Variants in GLIS3 observed in about 807,000 individuals in gnomAD.
GLIS3 encodes zinc finger protein GLIS3.
A neutral mutation model predicts 78.6 loss-of-function variants in GLIS3; 53 were observed. That is an observed-to-expected ratio of 0.67 (90% confidence interval 0.54 to 0.85). The LOEUF (loss-of-function observed/expected upper bound fraction) is 0.85. GLIS3 is among the 40% of genes least tolerant of loss of function. The probability of loss-of-function intolerance (pLI) is 0.00; values close to 1 mark genes in which losing one functional copy is unlikely to be tolerated. For synonymous variants in GLIS3, 684 were observed against 509.9 expected, an observed-to-expected ratio of 1.34 and a Z score of -4.60; for missense variants, 1,703 against 1,231.1, an observed-to-expected ratio of 1.38 and a Z score of -5.74.
At chr9:4,094,183 G>A (rs775428773) in intron 4 of GLIS3, among the ~76,000 whole-genome samples, 30 of 152,310 alleles carry the variant, frequency 2.0e-4, no homozygotes, top group South Asian at 2.1e-4. Context: ...AAGCAGGAAC[G>A]AGAGGAACTG....
intron 4 of GLIS3, among the ~76,000 whole-genome samples, chr9:4,003,696 T>C (rs1166047690): frequency 1.3e-5 from 2 of 152,184 alleles, no homozygotes; most frequent in East Asian, 3.9e-4. Context: ...CATTCACTGG[T>C]TCCAAATAAG....
rs114846177 is a variant in GLIS3, at chr9:4,226,520, G to A, written c.388+59518C>T. ...AAACTCCGCCTCACAGAAACAACCC[G>A]ACTATGCCTAAGGGGGAGGGAATGG... On this transcript the variant is annotated intron_variant, in intron 2 of 10. Transcript: ENST00000381971. Among the ~76,000 whole-genome samples the A allele has an allele frequency of 7.2e-3, 1,103 of 152,218 alleles. 16 individuals are homozygous for A. The highest frequency in any genetic ancestry group is 0.024 in the African/African-American group (1,016 of 41,528).
intron 2 of GLIS3, among the ~76,000 whole-genome samples, chr9:4,141,330 G>A (rs879707155): frequency 3.5e-4 from 54 of 152,162 alleles, no homozygotes; most frequent in Admixed American, 1.8e-3. Context: ...ATGGCTGCCT[G>A]GCCAAAATAC....
chr9:3,927,867 G>T (rs908019866), intron 6 of GLIS3, among the ~76,000 whole-genome samples: 2 of 152,170 alleles, frequency 1.3e-5, no homozygotes, highest in Non-Finnish European at 2.9e-5. Context: ...TTGGCACAGG[G>T]TTAAATTTAA....
chr9:4,090,068 G>A (rs1223549429), intron 4 of GLIS3, among the ~76,000 whole-genome samples: 4 of 152,134 alleles, frequency 2.6e-5, no homozygotes, highest in Non-Finnish European at 5.9e-5. Context: ...AGGGACTGCA[G>A]GGGGTATGAT....
chr9:4,243,791 G>A (rs1197820948), intron 2 of GLIS3, among the ~76,000 whole-genome samples: 1 of 152,190 alleles, frequency 6.6e-6, no homozygotes, highest in East Asian at 1.9e-4. Flanking sequence ...AGGCTAAACA[G>A]CTGTCGAGTT....
intron 2 of GLIS3, among the ~76,000 whole-genome samples, chr9:4,281,454 C>T (rs1281992189): frequency 6.6e-6 from 1 of 152,146 alleles, no homozygotes; most frequent in Non-Finnish European, 1.5e-5. Context: ...CCCTTCTCCC[C>T]AACTCCCAGC....
At chr9:4,415,232 C>G in the GLIS3 span, among the ~76,000 whole-genome samples, 2 of 152,158 alleles carry the variant, frequency 1.3e-5, no homozygotes, top group Admixed American at 1.3e-4. Flanking sequence ...CAGACAAAGT[C>G]CTGGTTGCCC....
At chr9:4,158,269 C>T (rs148226838) in intron 2 of GLIS3, among the ~76,000 whole-genome samples, 2 of 152,254 alleles carry the variant, frequency 1.3e-5, no homozygotes, top group East Asian at 3.9e-4. Context: ...TAGCAACTTT[C>T]TGTAGCATGA....
chr9:4,026,305 G>T (rs1563961330), intron 4 of GLIS3, among the ~76,000 whole-genome samples: 1 of 152,100 alleles, frequency 6.6e-6, no homozygotes, highest in Admixed American at 6.5e-5. Flanking sequence ...ATAAACATAG[G>T]TCCATTAATT....
intron 6 of GLIS3, among the ~76,000 whole-genome samples, chr9:3,930,314 C>T (rs1410727864): frequency 2.0e-5 from 3 of 152,198 alleles, no homozygotes; most frequent in Non-Finnish European, 2.9e-5. Context: ...GAGACAGTGT[C>T]TCCATTTACA....
intron 2 of GLIS3, among the ~76,000 whole-genome samples, chr9:4,169,499 G>A (rs1474630288): frequency 1.3e-5 from 2 of 152,138 alleles, no homozygotes; most frequent in East Asian, 1.9e-4. Context: ...TAAACACTAC[G>A]CTTGTGATCC....
chr9:4,129,462 A>C (rs975078922), intron 2 of GLIS3, among the ~76,000 whole-genome samples: 7 of 152,000 alleles, frequency 4.6e-5, no homozygotes, highest in African/African-American at 1.7e-4. Context: ...ATCCTTCATA[A>C]ATGGTTTAGC....
chr9:3,925,625 G>A (rs1033253029), intron 6 of GLIS3, among the ~76,000 whole-genome samples: 10 of 151,158 alleles, frequency 6.6e-5, no homozygotes, highest in East Asian at 1.9e-4. Flanking sequence ...GTGTGTGCGC[G>A]CGATCACTGT....
intron 6 of GLIS3, among the ~76,000 whole-genome samples, chr9:3,912,528 G>T (rs963453726): frequency 6.6e-6 from 1 of 152,162 alleles, no homozygotes. Flanking sequence ...GGACAGAGTT[G>T]GGGAGCTGAG....
At chr9:4,486,391 G>T in the GLIS3 span, among the ~76,000 whole-genome samples, 1 of 152,100 alleles carries the variant, frequency 6.6e-6, no homozygotes, top group African/African-American at 2.4e-5. Flanking sequence ...CTATCAAAGA[G>T]AACTATTCAC....
intron 2 of GLIS3, among the ~76,000 whole-genome samples, chr9:4,175,849 A>G (rs1816772049): frequency 6.6e-6 from 1 of 152,236 alleles, no homozygotes; most frequent in Admixed American, 6.5e-5. Context: ...CCCATAAAAG[A>G]AGTATCATCA....
At chr9:4,440,718 G>A in the GLIS3 span, among the ~76,000 whole-genome samples, 1 of 151,996 alleles carries the variant, frequency 6.6e-6, no homozygotes, top group African/African-American at 2.4e-5. Context: ...TTTTGACAGG[G>A]GTTGCATTGA....
chr9:4,426,877 C>T, the GLIS3 span, among the ~76,000 whole-genome samples: 3 of 152,312 alleles, frequency 2.0e-5, no homozygotes, highest in South Asian at 6.2e-4. Context: ...CAGTCCCTGG[C>T]ACACTGAAAG....
Sources: allele counts gnomAD v4.1 joint callset (sites outside exome capture counted in the v4.1 genomes callset), GRCh38; gene constraint gnomAD v4.1.1; transcripts MANE v1.5; gene names NCBI Gene and HGNC (gene_info 2026-07-23, HGNC 2026-07-21).